UGT2B7: variants seen among roughly 807,000 people sequenced by gnomAD.
The protein encoded by UGT2B7 is UDP-glucuronosyltransferase 2B7.
Under a neutral mutation model 51.9 loss-of-function variants are expected in UGT2B7, and 51 were observed. The observed-to-expected ratio is 0.98, with a 90% CI of 0.78 to 1.24. The LOEUF (loss-of-function observed/expected upper bound fraction) is 1.24, where lower values mean the gene tolerates loss of function less well. Ranked by LOEUF, UGT2B7 falls within the 50% of genes most tolerant of loss-of-function variation. UGT2B7 has a pLI of 0.00. For missense variants in UGT2B7, 727 were observed against 628.4 expected (o/e 1.16, Z -1.68); for synonymous variants, 225 against 211.6 (o/e 1.06, Z -0.55).
At chr4:69,077,465 C>T (rs372572238) in intron 1 of UGT2B7, among the ~76,000 whole-genome samples, 22 of 151,986 alleles carry the variant, frequency 1.4e-4, no homozygotes, top group East Asian at 9.7e-4. Context: ...TTTCTTAAGC[C>T]GTGGTTTGTA....
chr4:69,094,096 C>T (rs150317160), upstream of UGT2B7, among the ~76,000 whole-genome samples: 1 of 149,764 alleles, frequency 6.7e-6, no homozygotes, highest in Non-Finnish European at 1.5e-5. Context: ...GCAAATATTG[C>T]AATGAAGCAA....
intron 1 of UGT2B7, among the ~76,000 whole-genome samples, chr4:69,081,741 C>T (rs950287692): frequency 1.3e-5 from 2 of 152,066 alleles, no homozygotes; most frequent in East Asian, 1.9e-4. Flanking sequence ...TTTCTGATTG[C>T]TCCATAGATG....
chr4:69,070,614 G>T (rs1453214068), intron 1 of UGT2B7, among the ~76,000 whole-genome samples: 1 of 151,608 alleles, frequency 6.6e-6, no homozygotes. Context: ...GGAAATATGA[G>T]GAAATAAAAA....
At chr4:69,056,022 T>C (rs901392798) in intron 1 of UGT2B7, among the ~76,000 whole-genome samples, 4 of 152,120 alleles carry the variant, frequency 2.6e-5, no homozygotes, top group African/African-American at 9.6e-5. Context: ...CAGGTTATAC[T>C]AGATATGTAG....
upstream of UGT2B7, among the ~76,000 whole-genome samples, chr4:69,092,189 C>A (rs1036171715): frequency 1.3e-5 from 2 of 152,166 alleles, no homozygotes; most frequent in Non-Finnish European, 2.9e-5. Context: ...ATCCTCTCAT[C>A]TTGCCTCCCA....
chr4:69,057,441 A>T (rs1718231946), intron 1 of UGT2B7, among the ~76,000 whole-genome samples: 1 of 152,198 alleles, frequency 6.6e-6, no homozygotes, highest in Non-Finnish European at 1.5e-5. Context: ...AGGTTTGTTT[A>T]AAAAATTGAC....
At chr4:69,074,249 G>T (rs1257761003) in intron 1 of UGT2B7, among the ~76,000 whole-genome samples, 3 of 151,906 alleles carry the variant, frequency 2.0e-5, no homozygotes, top group Non-Finnish European at 2.9e-5. Context: ...ACTGAGGTGA[G>T]AGAATCACTT....
At chr4:69,093,575 G>T (rs76375995), upstream of UGT2B7, among the ~76,000 whole-genome samples, 601 of 152,280 alleles carry the variant, frequency 3.9e-3, 5 homozygotes, top group African/African-American at 0.014. Context: ...GAAAGCCAGA[G>T]TATCTAAAGG....
In UGT2B7 at chr4:69,081,592, C is replaced by A. The variant is rs114578488; in HGVS notation, c.-158-7880C>A. Among the ~76,000 whole-genome samples the A allele has an allele frequency of 3.1e-3, 478 of 152,238 alleles. 4 individuals are homozygous for A. Among genetic ancestry groups the A allele is most frequent in the African/African-American group, 0.011 (454 of 41,562 alleles). On this transcript the variant is annotated intron_variant, in intron 1 of 5. Transcript: ENST00000502942. Reference sequence around the variant, plus strand: ...TTTATAATCTCTGGTATACAATTTACTCAAAAATTCATACTTGTGGGAATA... The same window carrying A: ...TTTATAATCTCTGGTATACAATTTAATCAAAAATTCATACTTGTGGGAATA...
At chr4:69,110,765 G>T (rs557623518) in intron 5 of UGT2B7, among the ~76,000 whole-genome samples, 1 of 152,220 alleles carries the variant, frequency 6.6e-6, no homozygotes, top group South Asian at 2.1e-4. Flanking sequence ...TTCTAGGCAG[G>T]TTGTGATATC....
chr4:69,052,599 G>GT (rs1577902447), intron 1 of UGT2B7, among the ~76,000 whole-genome samples: 2 of 131,146 alleles, frequency 1.5e-5, no homozygotes, highest in South Asian at 5.0e-4. Flanking sequence ...AAAAGAAGGG[G>GT]AGGCAAAATT....
At chr4:69,078,670 A>C (rs1218329732) in intron 1 of UGT2B7, among the ~76,000 whole-genome samples, 1 of 152,132 alleles carries the variant, frequency 6.6e-6, no homozygotes, top group Non-Finnish European at 1.5e-5. Flanking sequence ...CATAGTTGGC[A>C]CACAAAACCA....
intron 1 of UGT2B7, among the ~76,000 whole-genome samples, chr4:69,089,255 T>C (rs1719030897): frequency 6.6e-6 from 1 of 152,170 alleles, no homozygotes; most frequent in African/African-American, 2.4e-5. Context: ...TTCTGTATAA[T>C]TATTTGTGTA....
At chr4:69,089,362 A>G (rs1295367704) in intron 1 of UGT2B7, 1 of 152,226 alleles carries the variant, frequency 6.6e-6, no homozygotes, top group African/African-American at 2.4e-5. Context: ...TATAGGGACA[A>G]TATAACTATA....
intron 1 of UGT2B7, among the ~76,000 whole-genome samples, chr4:69,083,933 C>T (rs201993588): frequency 2.0e-5 from 3 of 152,010 alleles, no homozygotes; most frequent in African/African-American, 4.8e-5. Flanking sequence ...GAGTGGTCAA[C>T]GTGGACATCT....
At chr4:69,068,426 G>C (rs774849992) in intron 1 of UGT2B7, among the ~76,000 whole-genome samples, 2 of 151,842 alleles carry the variant, frequency 1.3e-5, no homozygotes, top group Non-Finnish European at 2.9e-5. Flanking sequence ...ATATAAGTTG[G>C]AATATTTCTG....
At position 69,112,848 on chromosome 4, in the gene UGT2B7, A is replaced by AG; in HGVS notation, c.*112_*113insG. 7.3e-7 allele frequency: 1 copy of AG among 1,373,004 alleles called. No homozygotes were observed. The highest frequency in any genetic ancestry group is 9.6e-7 in the Non-Finnish European group (1 of 1,043,452). 85.1% of individuals were successfully genotyped at this position (1,373,004 alleles called of 1,614,324 possible). On this transcript the variant is annotated 3_prime_UTR_variant, in exon 6 of 6. Coordinates refer to ENST00000305231, the MANE Select transcript of UGT2B7 (RefSeq NM_001074.4). ...TTTCTTCCTGAGACAAAAAAAAAAA[A>AG]AGAAAAAAAAATCTTTTCAAAATTT...
chr4:69,064,108 A>AGAGAGAGAG (rs1560499796), intron 1 of UGT2B7, among the ~76,000 whole-genome samples: 16 of 94,302 alleles, frequency 1.7e-4, no homozygotes, highest in South Asian at 1.1e-3. Context: ...GAAAGAAAGA[A>AGAGAGAGAG]AGAAAAAGAA....
chr4:69,080,017 C>T (rs907101557), intron 1 of UGT2B7, among the ~76,000 whole-genome samples: 30 of 150,092 alleles, frequency 2.0e-4, no homozygotes, highest in Admixed American at 6.0e-4. Context: ...GCATTTTTTC[C>T]CTGTGAAGTG....
Sources: allele counts gnomAD v4.1 joint callset (sites outside exome capture counted in the v4.1 genomes callset), GRCh38; gene constraint gnomAD v4.1.1; transcripts MANE v1.5; gene names NCBI Gene and HGNC (gene_info 2026-07-23, HGNC 2026-07-21).